CDH6: variants seen among roughly 807,000 people sequenced by gnomAD.
CDH6 encodes the protein cadherin 6.
A neutral mutation model predicts 78.0 loss-of-function variants in CDH6; 31 were observed. The ratio of observed to expected loss-of-function variants is 0.40; its 90% CI spans 0.30 to 0.54. CDH6 has a LOEUF of 0.54. Among genes scored for constraint, CDH6 ranks in the 20% least tolerant of loss-of-function variants. CDH6 has a pLI of 0.56. For synonymous variants in CDH6, 376 were observed against 368.8 expected, an observed-to-expected ratio of 1.02 and a Z score of -0.23; for missense variants, 724 against 975.9, an observed-to-expected ratio of 0.74 and a Z score of 3.44.
intron 2 of CDH6, among the ~76,000 whole-genome samples, chr5:31,274,212 A>G (rs1443793988): frequency 6.6e-6 from 1 of 152,236 alleles, no homozygotes; most frequent in African/African-American, 2.4e-5. Context: ...TTTCCACTGA[A>G]AGTGAAACCA....
At chr5:31,254,415 T>C (rs1741995832) in intron 1 of CDH6, among the ~76,000 whole-genome samples, 1 of 152,190 alleles carries the variant, frequency 6.6e-6, no homozygotes, top group Non-Finnish European at 1.5e-5. Context: ...TGTGAAATCA[T>C]GGAGAAGGAA....
rs377645786 is a variant in CDH6, at chr5:31,196,587, G to A, written c.-129+2701G>A. Among the ~76,000 whole-genome samples, 5 of 152,248 alleles carry A rather than the reference G, an allele frequency of 3.3e-5. No individual in the cohort carries two copies. In the East Asian group the frequency reaches 7.7e-4, roughly 24 times the overall value. Reference sequence around the variant, plus strand: ...ATGCATTTCTCCCTGGAGTTCAGCTGCAGAATGGATTTTGTTACCTAAGAT... The same window carrying A: ...ATGCATTTCTCCCTGGAGTTCAGCTACAGAATGGATTTTGTTACCTAAGAT... On this transcript the variant is annotated intron_variant, in intron 1 of 11. Coordinates refer to ENST00000265071, the MANE Select transcript of CDH6 (RefSeq NM_004932.4).
rs1738320640 is a variant in CDH6 at position 31,316,233 on chromosome 5, A to G, written c.1416A>G (p.Val472=). ...EINNPKQSSR[V]PLYIKVLDVN... ...ATAATCCAAAGCAAAGTAGTCGAGT[A>G]CCTCTATATATTAAAGTTCTAGATG... is the stretch of plus-strand genomic sequence containing the variant. The change falls in exon 9 of 12, where the codon GTA becomes GTG. Residue 472 remains valine (V), a synonymous_variant. Transcript: ENST00000265071. The G allele has an allele frequency of 6.2e-7, 1 of 1,610,916 alleles. No homozygotes were observed. The highest frequency in any genetic ancestry group is 1.3e-5 in the African/African-American group (1 of 74,772).
intron 7 of CDH6, among the ~76,000 whole-genome samples, chr5:31,308,164 A>G (rs1341552469): frequency 6.6e-6 from 1 of 152,140 alleles, no homozygotes; most frequent in African/African-American, 2.4e-5. Context: ...AAAAATTAAC[A>G]CTAGAAAATT....
chr5:31,266,791 C>T (rs1051125906), intron 1 of CDH6, among the ~76,000 whole-genome samples: 1 of 152,178 alleles, frequency 6.6e-6, no homozygotes, highest in African/African-American at 2.4e-5. Context: ...ATGGTCTTTT[C>T]CAACCTTATT....
At chr5:31,270,654 G>C (rs1017818871) in intron 2 of CDH6, among the ~76,000 whole-genome samples, 1 of 152,048 alleles carries the variant, frequency 6.6e-6, no homozygotes, top group East Asian at 1.9e-4. Context: ...GAGGTCACGT[G>C]CTGCTTATTT....
intron 11 of CDH6, 82 bp from the exon 12 acceptor site, chr5:31,322,736 T>C (rs891921951): frequency 1.0e-5 from 15 of 1,485,966 alleles, no homozygotes; most frequent in African/African-American, 1.4e-5. Context: ...AACTTCACAT[T>C]TGAGCACAGT....
intron 1 of CDH6, among the ~76,000 whole-genome samples, chr5:31,237,210 C>T (rs1741476540): frequency 6.6e-6 from 1 of 152,020 alleles, no homozygotes; most frequent in Non-Finnish European, 1.5e-5. Context: ...ATGAATCAGC[C>T]ACCAGGTTTA....
At chr5:31,287,551 G>T (rs1355448822) in intron 2 of CDH6, among the ~76,000 whole-genome samples, 1 of 152,128 alleles carries the variant, frequency 6.6e-6, no homozygotes, top group Non-Finnish European at 1.5e-5. Context: ...ACATGGATGA[G>T]GAAATAAAGG....
At chr5:31,266,318 G>T (rs546748735) in intron 1 of CDH6, among the ~76,000 whole-genome samples, 1 of 152,218 alleles carries the variant, frequency 6.6e-6, no homozygotes, top group African/African-American at 2.4e-5. Context: ...AAGTATAATA[G>T]CTGACTTTTT....
intron 1 of CDH6, among the ~76,000 whole-genome samples, chr5:31,244,084 T>G (rs2149920841): frequency 6.6e-6 from 1 of 152,312 alleles, no homozygotes; most frequent in South Asian, 2.1e-4. Flanking sequence ...TGACTTAATT[T>G]TGGTGTCATG....
chr5:31,314,460 T>C (rs1056245995), intron 8 of CDH6, among the ~76,000 whole-genome samples: 7 of 151,792 alleles, frequency 4.6e-5, no homozygotes, highest in African/African-American at 1.7e-4. Flanking sequence ...CCATATCGAA[T>C]AGTTTATTAC....
chr5:31,283,864 G>C (rs1012677378), intron 2 of CDH6, among the ~76,000 whole-genome samples: 1 of 151,736 alleles, frequency 6.6e-6, no homozygotes. Flanking sequence ...TCCCAGGCTT[G>C]AGTACAGTGG....
intron 1 of CDH6, among the ~76,000 whole-genome samples, chr5:31,257,219 G>A (rs1393858419): frequency 1.3e-5 from 2 of 152,172 alleles, no homozygotes; most frequent in Non-Finnish European, 2.9e-5. Context: ...GTGGAGTGCA[G>A]TGGCGCGATC....
At chr5:31,234,795 GAC>G (rs2111861261) in intron 1 of CDH6, among the ~76,000 whole-genome samples, 1 of 152,180 alleles carries the variant, frequency 6.6e-6, no homozygotes, top group South Asian at 2.1e-4. Context: ...ACATATGCAT[GAC>G]ACATATGCAT....
At chr5:31,253,701 A>G (rs1353172315) in intron 1 of CDH6, among the ~76,000 whole-genome samples, 2 of 152,208 alleles carry the variant, frequency 1.3e-5, no homozygotes, top group Non-Finnish European at 1.5e-5. Flanking sequence ...TTCAATCAAT[A>G]GCACTGTATC....
chr5:31,292,768 T>TGTGTGC (rs1455844198), intron 2 of CDH6, among the ~76,000 whole-genome samples: 1 of 148,334 alleles, frequency 6.7e-6, no homozygotes, highest in Non-Finnish European at 1.5e-5. Context: ...TATATGTGCG[T>TGTGTGC]GTGTGTATGT....
In CDH6 at chr5:31,317,775, A is replaced by C. The variant is rs1405810414; in HGVS notation, c.1733A>C (p.Gln578Pro). 1 of 1,614,176 alleles carries C rather than the reference A, an allele frequency of 6.2e-7. No individual in the cohort carries two copies. Among genetic ancestry groups the C allele is most frequent in the African/African-American group, 1.3e-5 (1 of 75,054 alleles). The change falls in exon 11 of 12, where the codon CAA (glutamine) becomes CCA (proline). Residue 578 changes from glutamine (Q) to proline (P), a missense_variant. This residue lies in a region of CDH6 where 446 missense variants were observed against 684.5 expected (regional missense o/e 0.65). Transcript: ENST00000265071. Reference sequence around the variant, plus strand: ...ATTTCAGACAACGACTACCCAGTTCAAAGCAGCACTGGGACAGTGACTGTC... The same window carrying C: ...ATTTCAGACAACGACTACCCAGTTCCAAGCAGCACTGGGACAGTGACTGTC... ...VVISDNDYPV[Q>P]SSTGTVTVRV...
intron 2 of CDH6, among the ~76,000 whole-genome samples, chr5:31,292,284 GA>G (rs1328333836): frequency 6.6e-6 from 1 of 152,126 alleles, no homozygotes; most frequent in East Asian, 1.9e-4. Context: ...AAATTACACA[GA>G]ATCAAATGTA....
Sources: allele counts gnomAD v4.1 joint callset (sites outside exome capture counted in the v4.1 genomes callset), GRCh38; gene constraint gnomAD v4.1.1; regional missense constraint gnomAD v4.1.1; transcripts MANE v1.5; gene names NCBI Gene and HGNC (gene_info 2026-07-23, HGNC 2026-07-21).